ANKRD12: variants seen among roughly 807,000 people sequenced by gnomAD.
ANKRD12 encodes ankyrin repeat domain 12.
In ANKRD12, 85 loss-of-function variants were observed where a neutral mutation model predicts 183.4. The ratio of observed to expected loss-of-function variants is 0.46; its 90% CI spans 0.39 to 0.56. The LOEUF (loss-of-function observed/expected upper bound fraction) is 0.56. ANKRD12 is among the 20% of genes least tolerant of loss of function. The probability of loss-of-function intolerance (pLI) is 0.00; values close to 1 mark genes in which losing one functional copy is unlikely to be tolerated. For synonymous variants in ANKRD12, 914 were observed against 800.2 expected, an observed-to-expected ratio of 1.14 and a Z score of -2.40; for missense variants, 2,405 against 2,357.1, an observed-to-expected ratio of 1.02 and a Z score of -0.42.
Position 9,258,819 on chromosome 18 carries a change from A to G in ANKRD12, c.5552A>G (p.Lys1851Arg). 1 of 1,613,950 alleles carries G rather than the reference A, an allele frequency of 6.2e-7. No individual in the cohort carries two copies. Among genetic ancestry groups the G allele is most frequent in the Non-Finnish European group, 8.5e-7 (1 of 1,179,868 alleles). ...HIRKKIEEKR[K>R]LLCSVIPQAP... ...AGGAAAAAAATAGAAGAAAAACGCAAATTACTGTGTAGTGTGATTCCTCAA... is the reference window on the plus strand; with the variant it reads ...AGGAAAAAAATAGAAGAAAAACGCAGATTACTGTGTAGTGTGATTCCTCAA... The change falls in exon 9 of 13, where the codon AAA (lysine) becomes AGA (arginine). Residue 1851 changes from lysine to arginine, a missense_variant. Lys to Arg is a conservative substitution (Grantham distance 26). This residue lies in a region of ANKRD12 where 162 missense variants were observed against 272.2 expected (regional missense o/e 0.60). Transcript: ENST00000262126.
In ANKRD12 at chr18:9,257,559, C is replaced by G. The variant is rs148325300; in HGVS notation, c.4292C>G (p.Thr1431Ser). 8.1e-6 allele frequency: 13 copies of G among 1,613,888 alleles called. No homozygotes were observed. The African/African-American group carries it at 1.6e-4, about 20-fold the overall frequency. ...GTTGATAGACTAGAGACATTAAGCA[C>G]CAGAGACTTTATCTGCCCAAATTCT... ...MPVDRLETLS[T>S]RDFICPNSNI... The change falls in exon 9 of 13, where the codon ACC becomes AGC. Residue 1431 changes from threonine (T) to serine (S), a missense_variant. Physicochemically the swap from Thr to Ser is moderately conservative, Grantham distance 58 (BLOSUM62 1). Around this residue, in one of 7 missense-constraint regions of ANKRD12, gnomAD observed 1,983 missense variants for 1,725.9 expected, o/e 1.15. Transcript: ENST00000262126.
chr18:9,233,274 C>CT (rs1342404924), intron 8 of ANKRD12, among the ~76,000 whole-genome samples: 2 of 151,726 alleles, frequency 1.3e-5, no homozygotes, highest in African/African-American at 2.4e-5. Flanking sequence ...TTGTTTGGTT[C>CT]TTTTTTATGA....
At position 9,255,678 on chromosome 18, in the gene ANKRD12, A is replaced by G; in HGVS notation, c.2411A>G (p.Lys804Arg). 6.3e-7 allele frequency: 1 copy of G among 1,590,880 alleles called. No individual in the cohort carries two copies. The highest frequency in any genetic ancestry group is 8.5e-7 in the Non-Finnish European group (1 of 1,173,988). The change falls in exon 9 of 13, where the codon AAG becomes AGG. Residue 804 changes from lysine (K) to arginine (R), a missense_variant. This residue lies in a region of ANKRD12 where 1,983 missense variants were observed against 1,725.9 expected (regional missense o/e 1.15). Coordinates refer to ENST00000262126, the MANE Select transcript of ANKRD12 (RefSeq NM_015208.5). The stretch of plus-strand genomic sequence containing the variant: ...TCTATAGGGCTTCATTTAGTGGAAA[A>G]GGAAATAGACATTGAAAAACAAGAA... ...EESIGLHLVE[K>R]EIDIEKQEKH... is the part of the protein sequence containing the mutation.
rs754220111 is a variant in ANKRD12 at position 9,256,289 on chromosome 18, C to T, written c.3022C>T (p.Pro1008Ser). The T allele has an allele frequency of 6.2e-7, 1 of 1,603,422 alleles. No homozygotes were observed. Among genetic ancestry groups the T allele is most frequent in the Non-Finnish European group, 8.5e-7 (1 of 1,176,496 alleles). ...LSLKEKTKDE[P>S]LKTPDGKEKD... ...CCTTAAAGAAAAAACAAAAGATGAA[C>T]CTTTGAAAACTCCAGATGGAAAAGA... The change falls in exon 9 of 13, where the codon CCT becomes TCT. Residue 1008 changes from proline (P) to serine (S), a missense_variant. Around this residue, in one of 7 missense-constraint regions of ANKRD12, gnomAD observed 1,983 missense variants for 1,725.9 expected, o/e 1.15. Transcript: ENST00000262126.
chr18:9,199,011 G>T (rs1276016208), intron 3 of ANKRD12, among the ~76,000 whole-genome samples: 1 of 152,064 alleles, frequency 6.6e-6, no homozygotes, highest in African/African-American at 2.4e-5. Flanking sequence ...AATGTAGTAA[G>T]GCTGGGCATG....
At chr18:9,175,441 T>C (rs2033172285) in intron 1 of ANKRD12, among the ~76,000 whole-genome samples, 1 of 151,648 alleles carries the variant, frequency 6.6e-6, no homozygotes, top group African/African-American at 2.4e-5. Flanking sequence ...CTTTTGTCAG[T>C]GTTCAGTAGT....
At chr18:9,205,685 G>C (rs1272973528) in intron 4 of ANKRD12, among the ~76,000 whole-genome samples, 2 of 152,122 alleles carry the variant, frequency 1.3e-5, no homozygotes, top group African/African-American at 4.8e-5. Flanking sequence ...GAAATCAAAA[G>C]ATGCAGACAT....
chr18:9,186,595 C>T (rs548330427), intron 2 of ANKRD12, among the ~76,000 whole-genome samples: 2 of 152,158 alleles, frequency 1.3e-5, no homozygotes, highest in South Asian at 4.1e-4. Flanking sequence ...CCTTATTTTA[C>T]CTTGAGAGGA....
In ANKRD12 at chr18:9,270,924, C is replaced by T. The variant is rs920223936; in HGVS notation, c.5764-4600C>T. ...CTGATACGAGAACAAACAACTTTAC[C>T]GTGTGGTGGCTCAGTAACTACTAGC... On this transcript the variant is annotated intron_variant, in intron 10 of 12. Coordinates refer to ENST00000262126, the MANE Select transcript of ANKRD12 (RefSeq NM_015208.5). 3.9e-5 allele frequency among the ~76,000 whole-genome samples: 6 copies of T among 152,246 alleles called. No homozygotes were observed. The East Asian group carries it at 5.8e-4, about 15-fold the overall frequency.
chr18:9,241,989 A>G lies in ANKRD12; in HGVS notation c.944-12222A>G, dbSNP rs117331824. 2.0e-5 allele frequency among the ~76,000 whole-genome samples: 3 copies of G among 152,140 alleles called. No homozygotes were observed. The East Asian group carries it at 5.8e-4, about 29-fold the overall frequency. On this transcript the variant is annotated intron_variant, in intron 8 of 12. Coordinates refer to ENST00000262126, the MANE Select transcript of ANKRD12 (RefSeq NM_015208.5). ...CCTAAATTAACATACACTGTAAGAAATCACTTTTAGCAGTGTCTATAAGTC... is the reference window on the plus strand; with the variant it reads ...CCTAAATTAACATACACTGTAAGAAGTCACTTTTAGCAGTGTCTATAAGTC...
chr18:9,271,819 G>A (rs887947640), intron 10 of ANKRD12, among the ~76,000 whole-genome samples: 3 of 152,164 alleles, frequency 2.0e-5, no homozygotes, highest in Admixed American at 6.6e-5. Flanking sequence ...TGAAAGAAAT[G>A]CCAGTTGGAA....
At chr18:9,161,463 C>T (rs933617616) in intron 1 of ANKRD12, among the ~76,000 whole-genome samples, 2 of 151,574 alleles carry the variant, frequency 1.3e-5, no homozygotes, top group Non-Finnish European at 2.9e-5. Flanking sequence ...GCAAGCTCCG[C>T]CTCCCAGGTT....
chr18:9,236,926 T>C (rs1217731160), intron 8 of ANKRD12, among the ~76,000 whole-genome samples: 1 of 152,178 alleles, frequency 6.6e-6, no homozygotes, highest in African/African-American at 2.4e-5. Context: ...TACTGGAAGA[T>C]AGACTACTGA....
chr18:9,256,658 A>C lies in ANKRD12; in HGVS notation c.3391A>C (p.Thr1131Pro). 3 of 1,607,620 alleles carry C rather than the reference A, an allele frequency of 1.9e-6. No individual in the cohort carries two copies. Among genetic ancestry groups the C allele is most frequent in the Middle Eastern group, 1.7e-4 (1 of 6,010 alleles). Residue 1131 changes from threonine to proline, a missense_variant, in exon 9 of 13, where the codon ACT becomes CCT. By Grantham distance (38) the Thr-to-Pro change is conservative (BLOSUM62 -1). Around this residue, in one of 7 missense-constraint regions of ANKRD12, gnomAD observed 1,983 missense variants for 1,725.9 expected, o/e 1.15. Coordinates refer to ENST00000262126, the MANE Select transcript of ANKRD12 (RefSeq NM_015208.5). ...KDKEKTKHTP[T>P]ESKNKELTRS... The stretch of plus-strand genomic sequence containing the variant: ...TAAAGAAAAAACAAAGCATACACCA[A>C]CTGAATCCAAAAATAAAGAACTTAC...
chr18:9,208,936 C>A, intron 5 of ANKRD12, 133 bp downstream of exon 5: 1 of 887,590 alleles, frequency 1.1e-6, no homozygotes, highest in Non-Finnish European at 1.6e-6. Context: ...ACTTGTAAGT[C>A]AGTGGTAATT....
In ANKRD12 at chr18:9,284,157, C is replaced by T. The variant is rs570963977; in HGVS notation, c.*3031C>T. 1 of 152,196 alleles carries T rather than the reference C, an allele frequency of 6.6e-6. No homozygotes were observed. Among genetic ancestry groups the T allele is most frequent in the South Asian group, 2.1e-4 (1 of 4,820 alleles). 9.4% of individuals were successfully genotyped at this position (152,196 alleles called of 1,614,324 possible). The stretch of plus-strand genomic sequence containing the variant: ...GCACATGCTGTTGGAAAAAGAGCAC[C>T]AATAGACTTGCTTGAAGCAGGGTTG... On this transcript the variant is annotated 3_prime_UTR_variant, in exon 13 of 13. Transcript: ENST00000262126.
chr18:9,280,409 G>A (rs1029738830), intron 12 of ANKRD12, among the ~76,000 whole-genome samples: 1 of 152,176 alleles, frequency 6.6e-6, no homozygotes, highest in Non-Finnish European at 1.5e-5. Flanking sequence ...GTGACCCGGG[G>A]GTTGGGGACC....
chr18:9,202,018 G>A (rs1206951061), intron 3 of ANKRD12, among the ~76,000 whole-genome samples: 1 of 151,836 alleles, frequency 6.6e-6, no homozygotes, highest in Non-Finnish European at 1.5e-5. Flanking sequence ...AGTAGAGATG[G>A]GGTTTCACCA....
At chr18:9,247,782 T>TTTTG (rs1260833988) in intron 8 of ANKRD12, among the ~76,000 whole-genome samples, 1 of 151,312 alleles carries the variant, frequency 6.6e-6, no homozygotes, top group African/African-American at 2.4e-5. Flanking sequence ...TTTTGGGGTT[T>TTTTG]TTTTGTTTTG....
Sources: allele counts gnomAD v4.1 joint callset (sites outside exome capture counted in the v4.1 genomes callset), GRCh38; gene constraint gnomAD v4.1.1; regional missense constraint gnomAD v4.1.1; transcripts MANE v1.5; gene names NCBI Gene and HGNC (gene_info 2026-07-23, HGNC 2026-07-21).